BTF3L4: variants seen among roughly 807,000 people sequenced by gnomAD.
BTF3L4 encodes the protein transcription factor BTF3 homolog 4.
Under a neutral mutation model 16.8 loss-of-function variants are expected in BTF3L4, and 6 were observed. The observed-to-expected ratio is 0.36, with a 90% confidence interval of 0.20 to 0.71. The LOEUF (loss-of-function observed/expected upper bound fraction) is 0.71, where lower values mean the gene tolerates loss of function less well. Among genes scored for constraint, BTF3L4 ranks in the 30% least tolerant of loss-of-function variants. The pLI is 0.58. For synonymous variants in BTF3L4, 39 were observed against 59.8 expected (o/e 0.65, Z 1.60); for missense variants, 92 against 186.9 (o/e 0.49, Z 2.96).
rs576242794 is a variant in BTF3L4 at position 52,078,552 on chromosome 1, T to G, written c.169-4788T>G. Among the ~76,000 whole-genome samples, 8 of 152,022 alleles carry G rather than the reference T, an allele frequency of 5.3e-5. No individual in the cohort carries two copies. The South Asian group carries it at 8.3e-4, about 16-fold the overall frequency. ...TATACTACAAGACAATTCTGTATAATAGCAGTAAGTGCATAAACCACCTTA... is the reference window on the plus strand; with the variant it reads ...TATACTACAAGACAATTCTGTATAAGAGCAGTAAGTGCATAAACCACCTTA... On this transcript the variant is annotated intron_variant, in intron 3 of 5. Transcript: ENST00000313334.
intron 2 of BTF3L4, among the ~76,000 whole-genome samples, chr1:52,062,677 A>T (rs1044794566): frequency 1.3e-5 from 2 of 152,210 alleles, no homozygotes; most frequent in African/African-American, 4.8e-5. Context: ...CATTTTAGAA[A>T]GGTAGCTGCT....
chr1:52,063,930 A>G (rs1165761636), intron 2 of BTF3L4, among the ~76,000 whole-genome samples: 2 of 152,190 alleles, frequency 1.3e-5, no homozygotes, highest in Non-Finnish European at 2.9e-5. Context: ...TCCATTTTCT[A>G]CATAGCAACT....
chr1:52,077,160 G>A (rs1034263370), intron 3 of BTF3L4, among the ~76,000 whole-genome samples: 1 of 152,154 alleles, frequency 6.6e-6, no homozygotes, highest in African/African-American at 2.4e-5. Flanking sequence ...GACAGAATGA[G>A]ACCCTGTCTC....
In BTF3L4 at chr1:52,062,197, C is replaced by CTT. The variant is rs34904880; in HGVS notation, c.54+2317_54+2318dup. 4.0e-3 allele frequency among the ~76,000 whole-genome samples: 217 copies of CTT among 53,670 alleles called. 13 individuals carry two copies. Among genetic ancestry groups the CTT allele is most frequent in the African/African-American group, 0.013 (198 of 15,356 alleles). The allele number at this position is 53,670 out of a possible 152,430, so 35.2% of individuals were successfully genotyped here. A position where few individuals can be genotyped will look rare whatever the true frequency, so the allele number is the denominator to read the frequency against. ...TGACCTCGTGATCGCCCGCCTCGGC[C>CTT]TTTTTTTTTTTTTTTTTTTTTTGAG... is the stretch of plus-strand genomic sequence containing the variant. On this transcript the variant is annotated intron_variant, in intron 2 of 5. Transcript: ENST00000313334.
At chr1:52,060,396 T>C in intron 2 of BTF3L4, 1 of 1,139,714 alleles carries the variant, frequency 8.8e-7, no homozygotes, top group South Asian at 1.3e-5. Context: ...CTGGAGATGC[T>C]TAAGTTGATT....
At chr1:52,057,454 T>G (rs1686400411) in intron 1 of BTF3L4, among the ~76,000 whole-genome samples, 2 of 152,250 alleles carry the variant, frequency 1.3e-5, no homozygotes, top group African/African-American at 4.8e-5. Flanking sequence ...AAGGGACTTC[T>G]CCCTTCTGGG....
chr1:52,086,030 A>G (rs1572034169), intron 4 of BTF3L4, 82 bp from the exon 5 acceptor site: 2 of 864,304 alleles, frequency 2.3e-6, no homozygotes, highest in East Asian at 5.5e-5. Flanking sequence ...TGTGATTTAT[A>G]CAGGAAAAAA....
At chr1:52,084,619 C>A (rs1643953423) in intron 4 of BTF3L4, among the ~76,000 whole-genome samples, 1 of 151,732 alleles carries the variant, frequency 6.6e-6, no homozygotes, top group South Asian at 2.1e-4. Context: ...TGGTGAGACC[C>A]TATCTGTACA....
At chr1:52,060,608 C>A in intron 2 of BTF3L4, 1 of 1,116,388 alleles carries the variant, frequency 9.0e-7, no homozygotes, top group South Asian at 2.0e-5. Flanking sequence ...CTGCCCAACA[C>A]AATCTTTGCA....
intron 4 of BTF3L4, 98 bp downstream of exon 4, chr1:52,083,639 G>A: frequency 1.1e-6 from 1 of 952,356 alleles, no homozygotes; most frequent in Non-Finnish European, 1.6e-6. Flanking sequence ...TTGCCTGTAT[G>A]TAATTATTTT....
chr1:52,077,542 A>G (rs1333780908), intron 3 of BTF3L4, among the ~76,000 whole-genome samples: 1 of 152,212 alleles, frequency 6.6e-6, no homozygotes, highest in Admixed American at 6.6e-5. Context: ...TGGGTGACAG[A>G]GCGAGACTCC....
chr1:52,066,082 A>G (rs534828637), intron 3 of BTF3L4, among the ~76,000 whole-genome samples: 3 of 152,250 alleles, frequency 2.0e-5, no homozygotes, highest in Admixed American at 2.0e-4. Flanking sequence ...TGATGACACT[A>G]TTTTTCTCAA....
chr1:52,085,584 T>G (rs1185540564), intron 4 of BTF3L4, among the ~76,000 whole-genome samples: 1 of 152,118 alleles, frequency 6.6e-6, no homozygotes, highest in Non-Finnish European at 1.5e-5. Flanking sequence ...GTGTGGTGGC[T>G]TATGTCGGTA....
At chr1:52,084,020 CAA>C (rs58159140) in intron 4 of BTF3L4, among the ~76,000 whole-genome samples, 17 of 79,040 alleles carry the variant, frequency 2.2e-4, no homozygotes, top group Admixed American at 2.8e-4. Context: ...AACTCCGTCT[CAA>C]AAAAAAAAAA....
At chr1:52,068,107 C>T (rs1389331589) in intron 3 of BTF3L4, among the ~76,000 whole-genome samples, 1 of 152,168 alleles carries the variant, frequency 6.6e-6, no homozygotes, top group African/African-American at 2.4e-5. Flanking sequence ...TTATGCCTCT[C>T]ATAATTAGTA....
At chr1:52,086,647 G>A in intron 5 of BTF3L4, 65 bp from the exon 6 acceptor site, 1 of 1,022,962 alleles carries the variant, frequency 9.8e-7, no homozygotes, top group Middle Eastern at 2.1e-4. Context: ...GAAGTTAGGA[G>A]TTCCATTTAC....
chr1:52,086,049 C>A, intron 4 of BTF3L4, 63 bp from the exon 5 acceptor site: 2 of 1,137,662 alleles, frequency 1.8e-6, no homozygotes, highest in Non-Finnish European at 2.5e-6. Context: ...AAGGGATAAA[C>A]ATTATAAGTT....
At chr1:52,072,808 C>T (rs1267916321) in intron 3 of BTF3L4, among the ~76,000 whole-genome samples, 2 of 152,182 alleles carry the variant, frequency 1.3e-5, no homozygotes, top group Non-Finnish European at 2.9e-5. Flanking sequence ...CACTTGTAAT[C>T]CTAGCACTTT....
intron 3 of BTF3L4, among the ~76,000 whole-genome samples, chr1:52,073,693 A>G (rs1177977739): frequency 1.7e-5 from 2 of 114,768 alleles, no homozygotes; most frequent in Admixed American, 8.1e-5. Flanking sequence ...TCTCTACAAA[A>G]AAAAAAAAAA....
Sources: gnomAD v4.1 joint callset for allele counts (sites outside exome capture counted in the v4.1 genomes callset) on GRCh38, gnomAD v4.1.1 for gene constraint, MANE v1.5 for transcripts, NCBI Gene and HGNC (gene_info 2026-07-23, HGNC 2026-07-21) for gene names.